DCAF5: variants seen among roughly 807,000 people sequenced by gnomAD.
The protein encoded by DCAF5 is DDB1- and CUL4-associated factor 5.
In DCAF5, 9 loss-of-function variants were observed where a neutral mutation model predicts 80.7. That is an observed-to-expected ratio of 0.11 (90% CI 0.07 to 0.19). The LOEUF is 0.19. Ranked by LOEUF, DCAF5 falls within the 10% of genes least tolerant of loss-of-function variation. The probability of loss-of-function intolerance (pLI) is 1.00; values close to 1 mark genes in which losing one functional copy is unlikely to be tolerated. For synonymous variants in DCAF5, 433 were observed against 461.9 expected, an observed-to-expected ratio of 0.94 and a Z score of 0.80; for missense variants, 842 against 1,205.7, an observed-to-expected ratio of 0.70 and a Z score of 4.47.
At chr14:69,075,261 A>AC (rs1200202452) in intron 7 of DCAF5, 84 bp downstream of exon 7, 9 of 1,045,066 alleles carry the variant, frequency 8.6e-6, no homozygotes, top group Non-Finnish European at 1.3e-5. Context: ...CTCTACTGCT[A>AC]AAGATCTGTC....
intron 8 of DCAF5, among the ~76,000 whole-genome samples, chr14:69,057,340 C>T (rs1185589996): frequency 7.5e-6 from 1 of 133,054 alleles, no homozygotes; most frequent in Admixed American, 8.4e-5. Flanking sequence ...AAAGGGAAAG[C>T]CCTTAGGATT....
At chr14:69,075,457 A>G in intron 6 of DCAF5, 46 bp from the exon 7 acceptor site, 9 of 1,204,810 alleles carry the variant, frequency 7.5e-6, no homozygotes, top group Non-Finnish European at 9.0e-6. Flanking sequence ...ATTATAATAT[A>G]GAATAAATAC....
chr14:69,054,377 G>A lies in DCAF5; in HGVS notation c.2309C>T (p.Ser770Phe), dbSNP rs1206278716. 6.2e-7 allele frequency: 1 copy of A among 1,614,126 alleles called. No individual in the cohort carries two copies. Among genetic ancestry groups the A allele is most frequent in the South Asian group, 1.1e-5 (1 of 91,088 alleles). Residue 770 changes from serine (S) to phenylalanine (F), a missense_variant, in exon 9 of 9, where the codon TCT becomes TTT. Physicochemically the swap from Ser to Phe is radical, Grantham distance 155 (BLOSUM62 -2). Coordinates refer to ENST00000341516, the MANE Select transcript of DCAF5 (RefSeq NM_003861.3). Reference sequence around the variant, plus strand: ...CTTGGTTTCAAAAGGGTGCTCTACAGAGCCGCTATTGCCAGTGTCCTGAGA... The same window carrying A: ...CTTGGTTTCAAAAGGGTGCTCTACAAAGCCGCTATTGCCAGTGTCCTGAGA... ...GTSQDTGNSG[S>F]VEHPFETKKL...
chr14:69,055,650 C>T lies in DCAF5; in HGVS notation c.1075-39G>A. On this transcript the variant is annotated intron_variant, in intron 8 of 8. Transcript: ENST00000341516. This position sits in a 1 kb window ranked among gnomAD's most constrained non-coding sequence, Gnocchi z 5.6. ...GAAAAACAAAAGCAACAAGGAGTAACTGGAAAGTATTCTTTCACTGGTGGT... is the reference window on the plus strand; with the variant it reads ...GAAAAACAAAAGCAACAAGGAGTAATTGGAAAGTATTCTTTCACTGGTGGT... The T allele has an allele frequency of 6.4e-7, 1 of 1,555,856 alleles. No homozygotes were observed. The highest frequency in any genetic ancestry group is 8.7e-7 in the Non-Finnish European group (1 of 1,144,492).
Position 69,081,747 on chromosome 14 carries a change from A to G in DCAF5, c.880-6336T>C, listed in dbSNP as rs556870884. On this transcript the variant is annotated intron_variant, in intron 6 of 8. Transcript: ENST00000341516. ...CCTCTGTCAATCCATTGACCTTTAT[A>G]GAAAATGTGTGTGTGTGTGTATGTG... Among the ~76,000 whole-genome samples the G allele has an allele frequency of 4.4e-5, 6 of 136,190 alleles. No individual in the cohort carries two copies. The South Asian group carries it at 1.7e-3, about 38-fold the overall frequency. 89.3% of individuals were successfully genotyped at this position (136,190 alleles called of 152,430 possible).
At chr14:69,137,327 A>C (rs1027654732) in intron 1 of DCAF5, among the ~76,000 whole-genome samples, 1 of 152,078 alleles carries the variant, frequency 6.6e-6, no homozygotes, top group Non-Finnish European at 1.5e-5. Context: ...CAGATCACAA[A>C]TTTTCTTCAT....
In DCAF5 at chr14:69,118,149, G is replaced by T. The variant is rs1459147927; in HGVS notation, c.525C>A (p.Ser175=). Residue 175 remains serine, a synonymous_variant, in exon 4 of 9, where the codon TCC becomes TCA. Transcript: ENST00000341516. This position sits in a 1 kb window ranked among gnomAD's most constrained non-coding sequence, Gnocchi z 4.0. ...GRVLIWDIRE[S]PHGEPFCLAN... ...GCACAGTGAGCCTACCTCCATGGGG[G>T]GATTCCCGAATGTCCCAAATGAGAA... is the stretch of plus-strand genomic sequence containing the variant. 1.2e-6 allele frequency: 2 copies of T among 1,613,878 alleles called. No homozygotes were observed. The highest frequency in any genetic ancestry group is 3.3e-5 in the Admixed American group (2 of 59,996).
intron 7 of DCAF5, among the ~76,000 whole-genome samples, chr14:69,065,347 G>A (rs569898771): frequency 4.6e-5 from 7 of 152,068 alleles, no homozygotes; most frequent in African/African-American, 1.2e-4. Context: ...CACCCGCCTC[G>A]GCCTCCCAAA....
At chr14:69,102,169 T>C (rs541759972) in intron 5 of DCAF5, among the ~76,000 whole-genome samples, 24 of 149,728 alleles carry the variant, frequency 1.6e-4, no homozygotes, top group African/African-American at 5.6e-4. Context: ...AGTGCAGTGG[T>C]GTGATCTCGG....
At chr14:69,081,083 TA>T (rs1029918549) in intron 6 of DCAF5, among the ~76,000 whole-genome samples, 6 of 151,370 alleles carry the variant, frequency 4.0e-5, no homozygotes, top group African/African-American at 1.5e-4. Context: ...TAAGAAAAAA[TA>T]AAAAACAAAA....
intron 2 of DCAF5, among the ~76,000 whole-genome samples, chr14:69,120,388 C>T (rs2040682361): frequency 6.6e-6 from 1 of 152,142 alleles, no homozygotes. Context: ...CAAGTGTGAG[C>T]CACCATGCCC....
intron 1 of DCAF5, among the ~76,000 whole-genome samples, chr14:69,133,624 T>C (rs1369374283): frequency 6.6e-6 from 1 of 152,140 alleles, no homozygotes; most frequent in Non-Finnish European, 1.5e-5. Flanking sequence ...ACTACAGAAG[T>C]AGCTATAGGG....
intron 1 of DCAF5, among the ~76,000 whole-genome samples, chr14:69,133,792 G>A (rs796565037): frequency 4.5e-4 from 69 of 152,264 alleles, no homozygotes; most frequent in African/African-American, 1.6e-3. Flanking sequence ...TGTTAAAAGT[G>A]AGGTCCTGGC....
rs922917671 is a variant in DCAF5, at chr14:69,108,413, G to C, written c.665+7953C>G. ...TATGTGTTTTGGGGGGTGGTGCAAA[G>C]GGAGAAGAGACGCAAGCTAAGGAGC... On this transcript the variant is annotated intron_variant, in intron 5 of 8. Coordinates refer to ENST00000341516, the MANE Select transcript of DCAF5 (RefSeq NM_003861.3). Among the ~76,000 whole-genome samples the C allele has an allele frequency of 8.8e-4, 134 of 152,162 alleles. 1 individual carries two copies. The highest frequency in any genetic ancestry group is 3.1e-3 in the African/African-American group (130 of 41,428).
Position 69,153,043 on chromosome 14 carries a change from C to A in DCAF5, c.-65G>T. On this transcript the variant is annotated 5_prime_UTR_variant, in exon 1 of 9. Coordinates refer to ENST00000341516, the MANE Select transcript of DCAF5 (RefSeq NM_003861.3). ...CCCTCGGCCTCACGCGCGGCCGCTGCTCCCCCCACCCGGCCCTCCCCCCGC... is the reference window on the plus strand; with the variant it reads ...CCCTCGGCCTCACGCGCGGCCGCTGATCCCCCCACCCGGCCCTCCCCCCGC... 1 of 1,271,480 alleles carries A rather than the reference C, an allele frequency of 7.9e-7. No homozygotes were observed. The allele number at this position is 1,271,480 out of a possible 1,614,324, so 78.8% of individuals were successfully genotyped here. A position where few individuals can be genotyped will look rare whatever the true frequency, so the allele number is the denominator to read the frequency against.
Position 69,091,784 on chromosome 14 carries a change from G to T in DCAF5, c.769C>A (p.Pro257Thr). The change falls in exon 6 of 9, where the codon CCT (proline) becomes ACT (threonine). Residue 257 changes from proline to threonine, a missense_variant. Physicochemically the swap from Pro to Thr is conservative, Grantham distance 38 (BLOSUM62 -1). Around this residue, in one of 5 missense-constraint regions of DCAF5, gnomAD observed 142 missense variants for 311.9 expected, o/e 0.46. Transcript: ENST00000341516. ...QLLALRRRLP[P>T]VLYDIHSRLP... Reference sequence around the variant, plus strand: ...CGGGAATGGATGTCATAGAGCACAGGGGGCAGGCGTCGCCTCAGGGCCAGG... The same window carrying T: ...CGGGAATGGATGTCATAGAGCACAGTGGGCAGGCGTCGCCTCAGGGCCAGG... The T allele has an allele frequency of 6.2e-7, 1 of 1,614,124 alleles. No individual in the cohort carries two copies. Among genetic ancestry groups the T allele is most frequent in the Non-Finnish European group, 8.5e-7 (1 of 1,180,008 alleles).
At chr14:69,074,859 C>T (rs2038839548) in intron 7 of DCAF5, among the ~76,000 whole-genome samples, 2 of 151,928 alleles carry the variant, frequency 1.3e-5, no homozygotes, top group Admixed American at 1.3e-4. Flanking sequence ...CATGGTGAAA[C>T]CCTGTTTCTA....
At chr14:69,141,894 T>G (rs937320874) in intron 1 of DCAF5, among the ~76,000 whole-genome samples, 1 of 152,200 alleles carries the variant, frequency 6.6e-6, no homozygotes, top group Non-Finnish European at 1.5e-5. Context: ...CCCTTTGGAA[T>G]ATAACTTTCA....
At chr14:69,141,915 T>A (rs2041388170) in intron 1 of DCAF5, among the ~76,000 whole-genome samples, 1 of 152,192 alleles carries the variant, frequency 6.6e-6, no homozygotes. Context: ...TTTTTTAAAT[T>A]GGCCCTAATA....
Sources: allele counts gnomAD v4.1 joint callset (sites outside exome capture counted in the v4.1 genomes callset), GRCh38; gene constraint gnomAD v4.1.1; regional missense constraint gnomAD v4.1.1; non-coding constraint Gnocchi (gnomAD v3.1); transcripts MANE v1.5; gene names NCBI Gene and HGNC (gene_info 2026-07-23, HGNC 2026-07-21).